FOSL2: variants seen among roughly 807,000 people sequenced by gnomAD.
FOSL2 encodes the protein FOS like 2, AP-1 transcription factor subunit.
A neutral mutation model predicts 27.7 loss-of-function variants in FOSL2; 3 were observed. That is an observed-to-expected ratio of 0.11 (90% CI 0.05 to 0.28). The LOEUF is 0.28. Among genes scored for constraint, FOSL2 ranks in the 10% least tolerant of loss-of-function variants. The probability of loss-of-function intolerance (pLI) is 1.00; values close to 1 mark genes in which losing one functional copy is unlikely to be tolerated. For synonymous variants in FOSL2, 179 were observed against 190.1 expected (o/e 0.94, Z 0.48); for missense variants, 333 against 445.1 (o/e 0.75, Z 2.27).
At chr2:28,410,461 C>T in intron 3 of FOSL2, 1 of 952,920 alleles carries the variant, frequency 1.0e-6, no homozygotes, top group Non-Finnish European at 1.2e-6. Context: ...CCCTGAGCCA[C>T]ATCCTCCACA....
chr2:28,410,526 T>G, intron 3 of FOSL2: 1 of 983,770 alleles, frequency 1.0e-6, no homozygotes, highest in South Asian at 4.7e-5. Flanking sequence ...AGACGGAAAC[T>G]GTTTTTCACT....
chr2:28,412,213 T>C lies in FOSL2; in HGVS notation c.746T>C (p.Ile249Thr). Residue 249 changes from isoleucine (I) to threonine (T), a missense_variant, in exon 4 of 4, where the codon ATC becomes ACC. Coordinates refer to ENST00000264716, the MANE Select transcript of FOSL2 (RefSeq NM_005253.4). This position sits in a 1 kb window ranked among gnomAD's most constrained non-coding sequence, Gnocchi z 7.1. ...DKAQRSVIKP[I>T]SIAGGFYGEE... ...GCCCAGCGCTCTGTCATCAAGCCCA[T>C]CAGCATTGCTGGGGGCTTCTACGGT... 6.2e-7 allele frequency: 1 copy of C among 1,613,362 alleles called. No homozygotes were observed. Among genetic ancestry groups the C allele is most frequent in the Non-Finnish European group, 8.5e-7 (1 of 1,179,818 alleles).
At chr2:28,400,460 A>G (rs1031803077) in intron 1 of FOSL2, among the ~76,000 whole-genome samples, 1 of 151,968 alleles carries the variant, frequency 6.6e-6, no homozygotes, top group Non-Finnish European at 1.5e-5. Flanking sequence ...TCTGAATAAC[A>G]TGCTGGGAGT....
Position 28,408,767 on chromosome 2 carries a change from T to C in FOSL2, c.363T>C (p.Pro121=). 2 of 1,610,510 alleles carry C rather than the reference T, an allele frequency of 1.2e-6. No homozygotes were observed. The highest frequency in any genetic ancestry group is 1.1e-5 in the South Asian group (1 of 90,446). The change falls in exon 3 of 4, where the codon CCT becomes CCC. Residue 121 remains proline (P), a synonymous_variant. Coordinates refer to ENST00000264716, the MANE Select transcript of FOSL2 (RefSeq NM_005253.4). The surrounding 1 kb of genome is among the most constrained non-coding windows in gnomAD (Gnocchi z 4.1). ...GRRRRDEQLS[P]EEEEKRRIRR... ...TTGGCTTTGGCCTCTAGCTGTCTCC[T>C]GAAGAGGAGGAGAAGCGTCGCATCC... is the stretch of plus-strand genomic sequence containing the variant.
chr2:28,404,275 G>A lies in FOSL2; in HGVS notation c.271G>A (p.Val91Ile). The A allele has an allele frequency of 1.9e-6, 3 of 1,614,148 alleles. No homozygotes were observed. Among genetic ancestry groups the A allele is most frequent in the Non-Finnish European group, 2.5e-6 (3 of 1,180,034 alleles). The change falls in exon 2 of 4, where the codon GTC becomes ATC. Residue 91 changes from valine (V) to isoleucine (I), a missense_variant. Around this residue, in one of 4 missense-constraint regions of FOSL2, gnomAD observed 131 missense variants for 157.9 expected, o/e 0.83. Coordinates refer to ENST00000264716, the MANE Select transcript of FOSL2 (RefSeq NM_005253.4). This position sits in a 1 kb window ranked among gnomAD's most constrained non-coding sequence, Gnocchi z 4.7. The stretch of plus-strand genomic sequence containing the variant: ...CAGCCCCCTGCCGGGCCTGGCCTCT[G>A]TCCCTGGACACATGGCCCTCCCAAG... Reference protein sequence around the residue: ...PYSPLPGLASVPGHMALPRPG... With the variant: ...PYSPLPGLASIPGHMALPRPG...
intron 1 of FOSL2, among the ~76,000 whole-genome samples, chr2:28,400,155 G>A (rs892673426): frequency 6.6e-6 from 1 of 152,160 alleles, no homozygotes; most frequent in Admixed American, 6.5e-5. Flanking sequence ...CCAGGCAGCC[G>A]AGTGAGGTTT....
At chr2:28,409,516 C>G (rs1664149076) in intron 3 of FOSL2, among the ~76,000 whole-genome samples, 1 of 152,182 alleles carries the variant, frequency 6.6e-6, no homozygotes, top group Non-Finnish European at 1.5e-5. Flanking sequence ...ACCCGCAGCC[C>G]TGCCCTTCCC....
intron 1 of FOSL2, among the ~76,000 whole-genome samples, chr2:28,398,189 T>C (rs1203653611): frequency 6.6e-6 from 1 of 152,244 alleles, no homozygotes; most frequent in Non-Finnish European, 1.5e-5. Context: ...ATATGTCTCA[T>C]CTATGTTGTA....
chr2:28,412,328 C>T lies in FOSL2; in HGVS notation c.861C>T (p.Val287=), dbSNP rs1238415524. The part of the protein sequence containing the change: ...TSNLVFTYPS[V]LEQESPASPS... ...ACCTCGTCTTCACCTATCCTAGCGT[C>T]CTGGAGCAGGAGTCACCCGCATCTC... The change falls in exon 4 of 4, where the codon GTC becomes GTT. Residue 287 remains valine, a synonymous_variant. Transcript: ENST00000264716. The surrounding 1 kb of genome is among the most constrained non-coding windows in gnomAD (Gnocchi z 7.1). 6.2e-7 allele frequency: 1 copy of T among 1,613,930 alleles called. No homozygotes were observed. The highest frequency in any genetic ancestry group is 2.2e-5 in the East Asian group (1 of 44,878).
At position 28,404,196 on chromosome 2, in the gene FOSL2, G is replaced by A. The variant is rs142034304; in HGVS notation, c.192G>A (p.Val64=). 37 of 1,614,090 alleles carry A rather than the reference G, an allele frequency of 2.3e-5. No individual in the cohort carries two copies. The highest frequency in any genetic ancestry group is 3.1e-5 in the Non-Finnish European group (36 of 1,180,036). ...CCAGCCAGGACCTGCAGTGGATGGT[G>A]CAGCCCACAGTGATCACCTCCATGT... ...ITTSQDLQWM[V]QPTVITSMSN... The change falls in exon 2 of 4, where the codon GTG becomes GTA. Residue 64 remains valine, a synonymous_variant. Transcript: ENST00000264716. This position sits in a 1 kb window ranked among gnomAD's most constrained non-coding sequence, Gnocchi z 4.7.
chr2:28,411,041 G>A (rs1365032361), intron 3 of FOSL2, among the ~76,000 whole-genome samples: 3 of 152,014 alleles, frequency 2.0e-5, no homozygotes, highest in Non-Finnish European at 1.5e-5. Context: ...TCAGCTACTC[G>A]GGAGGCTGAG....
intron 1 of FOSL2, chr2:28,396,978 GA>G (rs1300239007): frequency 2.0e-5 from 3 of 152,048 alleles, no homozygotes; most frequent in Non-Finnish European, 4.4e-5. Flanking sequence ...AAATTTTTAG[GA>G]AAACTATCTT....
rs1270132066 is a variant in FOSL2 at position 28,392,927 on chromosome 2, C to T, written c.-794C>T. ...AGCGAGCGAGCGAACGAGCGGCGCT[C>T]GGCGGGGACAGAAAGAGGGAGAGAG... On this transcript the variant is annotated 5_prime_UTR_variant, in exon 1 of 4. Coordinates refer to ENST00000264716, the MANE Select transcript of FOSL2 (RefSeq NM_005253.4). 2 of 711,014 alleles carry T rather than the reference C, an allele frequency of 2.8e-6. No individual in the cohort carries two copies. The highest frequency in any genetic ancestry group is 3.5e-5 in the African/African-American group (2 of 56,658). 44.0% of individuals were successfully genotyped at this position (711,014 alleles called of 1,614,324 possible).
chr2:28,406,688 G>A (rs1572492003), intron 2 of FOSL2, among the ~76,000 whole-genome samples: 1 of 152,184 alleles, frequency 6.6e-6, no homozygotes, highest in East Asian at 1.9e-4. Context: ...ACATCAGTTG[G>A]GAATTCACAC....
In FOSL2 at chr2:28,412,430, C is replaced by G. The variant is rs373839782; in HGVS notation, c.963C>G (p.Pro321=). ...AATCATCAGACTCCTTGAACTCCCC[C>G]ACTCTGCTGGCTCTGTAACCCAGTG... The part of the protein sequence containing the change: ...GDQSSDSLNS[P]TLLAL The change falls in exon 4 of 4, where the codon CCC becomes CCG. Residue 321 remains proline, a synonymous_variant. Coordinates refer to ENST00000264716, the MANE Select transcript of FOSL2 (RefSeq NM_005253.4). This position sits in a 1 kb window ranked among gnomAD's most constrained non-coding sequence, Gnocchi z 7.1. 3.7e-5 allele frequency: 60 copies of G among 1,600,360 alleles called. 2 individuals carry two copies. In the South Asian group the frequency reaches 4.4e-4, roughly 12 times the overall value.
At position 28,393,637 on chromosome 2, in the gene FOSL2, G is replaced by A; in HGVS notation, c.-84G>A. On this transcript the variant is annotated 5_prime_UTR_variant, in exon 1 of 4. Coordinates refer to ENST00000264716, the MANE Select transcript of FOSL2 (RefSeq NM_005253.4). This position sits in a 1 kb window ranked among gnomAD's most constrained non-coding sequence, Gnocchi z 4.6. ...CCCGCGGCGCGGCCGGCGGACGAAC[G>A]AGCGCGCAGCAGCCGGTGCGCGGCC... 1 of 1,048,838 alleles carries A rather than the reference G, an allele frequency of 9.5e-7. No homozygotes were observed. Among genetic ancestry groups the A allele is most frequent in the Non-Finnish European group, 1.4e-6 (1 of 713,162 alleles). 65.0% of individuals were successfully genotyped at this position (1,048,838 alleles called of 1,614,324 possible). A position where few individuals can be genotyped will look rare whatever the true frequency, so the allele number is the denominator to read the frequency against.
At position 28,393,653 on chromosome 2, in the gene FOSL2, G is replaced by A; in HGVS notation, c.-68G>A. 2 of 1,218,332 alleles carry A rather than the reference G, an allele frequency of 1.6e-6. No homozygotes were observed. Among genetic ancestry groups the A allele is most frequent in the East Asian group, 2.7e-5 (1 of 37,160 alleles). 75.5% of individuals were successfully genotyped at this position (1,218,332 alleles called of 1,614,324 possible). A position where few individuals can be genotyped will look rare whatever the true frequency, so the allele number is the denominator to read the frequency against. On this transcript the variant is annotated 5_prime_UTR_variant, in exon 1 of 4. It adds an upstream start codon to the 5' untranslated region. Coordinates refer to ENST00000264716, the MANE Select transcript of FOSL2 (RefSeq NM_005253.4). The surrounding 1 kb of genome is among the most constrained non-coding windows in gnomAD (Gnocchi z 4.6). ...CGGACGAACGAGCGCGCAGCAGCCG[G>A]TGCGCGGCCGCGGCGAGGGCGGGGG...
intron 1 of FOSL2, among the ~76,000 whole-genome samples, chr2:28,401,294 C>T (rs4666069): frequency 0.1 from 15,330 of 151,294 alleles, 1,667 homozygotes; most frequent in East Asian, 0.42. Flanking sequence ...TTTTAGAGGT[C>T]TAATGGCGAG....
At chr2:28,411,149 CAAA>C (rs113232380) in intron 3 of FOSL2, among the ~76,000 whole-genome samples, 2 of 106,078 alleles carry the variant, frequency 1.9e-5, no homozygotes, top group Admixed American at 2.0e-4. Context: ...GACTCTGTCT[CAAA>C]AAAAAAAAAA....
Sources: gnomAD v4.1 joint callset for allele counts (sites outside exome capture counted in the v4.1 genomes callset) on GRCh38, gnomAD v4.1.1 for gene constraint, gnomAD v4.1.1 regional missense constraint, Gnocchi (gnomAD v3.1) non-coding constraint, MANE v1.5 for transcripts, NCBI Gene and HGNC (gene_info 2026-07-23, HGNC 2026-07-21) for gene names.